CALN1: variants seen among roughly 807,000 people sequenced by gnomAD.
The protein encoded by CALN1 is calcium-binding protein 8.
In CALN1, 17 loss-of-function variants were observed where a neutral mutation model predicts 30.6. The ratio of observed to expected loss-of-function variants is 0.56; its 90% confidence interval spans 0.38 to 0.83. CALN1 has a LOEUF of 0.83. Among genes scored for constraint, CALN1 ranks in the 40% least tolerant of loss-of-function variants. CALN1 has a pLI of 0.00. For synonymous variants in CALN1, 156 were observed against 131.4 expected, an observed-to-expected ratio of 1.19 and a Z score of -1.28; for missense variants, 291 against 354.9, an observed-to-expected ratio of 0.82 and a Z score of 1.45.
At chr7:71,946,330 T>C (rs1796402467) in intron 5 of CALN1, among the ~76,000 whole-genome samples, 3 of 152,016 alleles carry the variant, frequency 2.0e-5, no homozygotes, top group Admixed American at 2.0e-4. Flanking sequence ...CCTAAATTTA[T>C]GTTGCCTTAC....
chr7:72,366,432 TC>T (rs1803882003), intron 2 of CALN1, among the ~76,000 whole-genome samples: 1 of 152,168 alleles, frequency 6.6e-6, no homozygotes, highest in Non-Finnish European at 1.5e-5. Flanking sequence ...TGCCTCGGCC[TC>T]CCAAAGTGCT....
chr7:72,074,845 G>A (rs1804627177), intron 4 of CALN1, among the ~76,000 whole-genome samples: 1 of 152,182 alleles, frequency 6.6e-6, no homozygotes, highest in Non-Finnish European at 1.5e-5. Flanking sequence ...GGACATTTAG[G>A]CTGGGAACCT....
chr7:72,198,313 C>A (rs1013520195), intron 3 of CALN1, among the ~76,000 whole-genome samples: 3 of 152,178 alleles, frequency 2.0e-5, no homozygotes, highest in African/African-American at 7.2e-5. Flanking sequence ...ATGTAAAAGA[C>A]GTTGGCTTCC....
chr7:72,026,580 G>C (rs1801070038), intron 4 of CALN1, among the ~76,000 whole-genome samples: 1 of 148,886 alleles, frequency 6.7e-6, no homozygotes, highest in South Asian at 2.1e-4. Flanking sequence ...GCAAGACTCT[G>C]TCTGGGGAAA....
intron 5 of CALN1, among the ~76,000 whole-genome samples, chr7:71,992,118 T>C (rs1047614475): frequency 6.6e-6 from 1 of 152,142 alleles, no homozygotes; most frequent in Admixed American, 6.5e-5. Context: ...TCATTATAGA[T>C]TAACTTCCCA....
chr7:72,057,122 A>AG (rs1235512985), intron 4 of CALN1, among the ~76,000 whole-genome samples: 2 of 151,880 alleles, frequency 1.3e-5, no homozygotes, highest in Non-Finnish European at 2.9e-5. Flanking sequence ...TAAAAAAAAA[A>AG]AGTTTGTAGA....
chr7:72,150,461 T>C (rs1787145418), intron 3 of CALN1, among the ~76,000 whole-genome samples: 1 of 151,944 alleles, frequency 6.6e-6, no homozygotes, highest in Non-Finnish European at 1.5e-5. Flanking sequence ...AAAAAAACAC[T>C]GATAAAGCAG....
At chr7:71,814,574 T>C (rs1226301123) in intron 5 of CALN1, among the ~76,000 whole-genome samples, 1 of 152,156 alleles carries the variant, frequency 6.6e-6, no homozygotes, top group African/African-American at 2.4e-5. Flanking sequence ...GTTTGAACTG[T>C]GTGGGTCCAC....
chr7:72,189,063 G>A (rs1562710205), intron 3 of CALN1, among the ~76,000 whole-genome samples: 1 of 152,204 alleles, frequency 6.6e-6, no homozygotes. Flanking sequence ...ACCCTTGGAT[G>A]CTGCTATCCA....
At chr7:72,200,363 C>A (rs781656269) in intron 3 of CALN1, among the ~76,000 whole-genome samples, 1 of 152,122 alleles carries the variant, frequency 6.6e-6, no homozygotes, top group African/African-American at 2.4e-5. Flanking sequence ...GTTAATAGTG[C>A]CTACCTCATA....
At chr7:72,455,810 G>A in the CALN1 span, among the ~76,000 whole-genome samples, 2 of 152,160 alleles carry the variant, frequency 1.3e-5, no homozygotes, top group Non-Finnish European at 2.9e-5. Context: ...GGAGAGACCA[G>A]TCAAGGTCAG....
intron 3 of CALN1, among the ~76,000 whole-genome samples, chr7:72,203,672 T>C (rs2129547575): frequency 6.6e-6 from 1 of 152,356 alleles, no homozygotes; most frequent in African/African-American, 2.4e-5. Context: ...AAGGGCTAAA[T>C]TATGTACACT....
At chr7:72,344,779 A>C (rs976459469) in intron 2 of CALN1, among the ~76,000 whole-genome samples, 1 of 147,486 alleles carries the variant, frequency 6.8e-6, no homozygotes, top group African/African-American at 2.5e-5. Context: ...AAAAATTTTC[A>C]AAACGTATAT....
chr7:71,836,622 CTT>C (rs756689224), intron 5 of CALN1, among the ~76,000 whole-genome samples: 4 of 132,620 alleles, frequency 3.0e-5, no homozygotes, highest in African/African-American at 8.5e-5. Flanking sequence ...CTCTCTGTCT[CTT>C]TTTTTTTTTT....
intron 3 of CALN1, among the ~76,000 whole-genome samples, chr7:72,130,140 G>C (rs1196592397): frequency 6.6e-6 from 1 of 152,080 alleles, no homozygotes; most frequent in African/African-American, 2.4e-5. Context: ...TTCTTGCCCT[G>C]ATTTGACACA....
In CALN1 at chr7:72,247,050, G is replaced by A. The variant is rs569740045; in HGVS notation, c.244+31636C>T. On this transcript the variant is annotated intron_variant, in intron 3 of 6. Transcript: ENST00000395275. Reference sequence around the variant, plus strand: ...ATTACAGGCAAGAGCCACTGTGCCCGGCCAGCCCTACCAGAACAATTTTTA... The same window carrying A: ...ATTACAGGCAAGAGCCACTGTGCCCAGCCAGCCCTACCAGAACAATTTTTA... Among the ~76,000 whole-genome samples, 638 of 151,522 alleles carry A rather than the reference G, an allele frequency of 4.2e-3. 8 individuals carry two copies. The highest frequency in any genetic ancestry group is 0.014 in the African/African-American group (591 of 41,350).
intron 3 of CALN1, among the ~76,000 whole-genome samples, chr7:72,237,449 C>A (rs1218247140): frequency 1.3e-5 from 2 of 152,084 alleles, no homozygotes; most frequent in Non-Finnish European, 2.9e-5. Context: ...GACGACAGGG[C>A]CAAAGAAGTA....
chr7:71,908,445 C>T (rs970215861), intron 5 of CALN1, among the ~76,000 whole-genome samples: 4 of 152,132 alleles, frequency 2.6e-5, no homozygotes, highest in Non-Finnish European at 5.9e-5. Context: ...AAGTTAACGT[C>T]GAAAGGTTTC....
rs181172380 is a variant in CALN1 at position 71,842,634 on chromosome 7, G to A, written c.502-32142C>T. Among the ~76,000 whole-genome samples the A allele has an allele frequency of 9.2e-5, 14 of 152,282 alleles. No homozygotes were observed. The East Asian group carries it at 1.7e-3, about 19-fold the overall frequency. On this transcript the variant is annotated intron_variant, in intron 5 of 6. Transcript: ENST00000395275. ...TAGCTTCTCTGCTTCCATTTGCAAC[G>A]TTCACCGATGCCTGCAAGCTGTGCT...
Sources: gnomAD v4.1 joint callset for allele counts (sites outside exome capture counted in the v4.1 genomes callset) on GRCh38, gnomAD v4.1.1 for gene constraint, MANE v1.5 for transcripts, NCBI Gene and HGNC (gene_info 2026-07-23, HGNC 2026-07-21) for gene names.